Variants in PTPRT observed in about 807,000 individuals in gnomAD.
PTPRT encodes the protein protein tyrosine phosphatase receptor type T, also known as receptor-type tyrosine-protein phosphatase T.
A neutral mutation model predicts 176.8 loss-of-function variants in PTPRT; 56 were observed. The ratio of observed to expected loss-of-function variants is 0.32; its 90% CI spans 0.26 to 0.40. The LOEUF is 0.40. Among genes scored for constraint, PTPRT ranks in the 10% least tolerant of loss-of-function variants. The probability of loss-of-function intolerance (pLI) is 1.00; values close to 1 mark genes in which losing one functional copy is unlikely to be tolerated. For synonymous variants in PTPRT, 783 were observed against 739.0 expected (o/e 1.06, Z -0.96); for missense variants, 1,540 against 1,908.2 (o/e 0.81, Z 3.60).
chr20:42,657,719 A>G (rs541261374), intron 7 of PTPRT, among the ~76,000 whole-genome samples: 2 of 152,214 alleles, frequency 1.3e-5, no homozygotes, highest in South Asian at 4.1e-4. Flanking sequence ...GTCCATAGAT[A>G]TGCAAATGGT....
At chr20:42,926,772 T>C (rs914849090) in intron 1 of PTPRT, among the ~76,000 whole-genome samples, 3 of 152,174 alleles carry the variant, frequency 2.0e-5, no homozygotes, top group African/African-American at 2.4e-5. Flanking sequence ...TGCATGATTG[T>C]TGTGGGGATG....
chr20:42,792,071 C>T (rs1185043189), intron 2 of PTPRT, among the ~76,000 whole-genome samples: 1 of 152,200 alleles, frequency 6.6e-6, no homozygotes, highest in African/African-American at 2.4e-5. Context: ...TGCTACCTTT[C>T]ATGAAAAGGA....
chr20:42,633,190 G>C (rs1275189289), intron 7 of PTPRT, among the ~76,000 whole-genome samples: 2 of 152,076 alleles, frequency 1.3e-5, no homozygotes, highest in African/African-American at 4.8e-5. Flanking sequence ...CATTTCAAAG[G>C]CAATAGAAAC....
At chr20:42,678,378 G>A (rs1010751577) in intron 6 of PTPRT, among the ~76,000 whole-genome samples, 2 of 152,244 alleles carry the variant, frequency 1.3e-5, no homozygotes, top group Middle Eastern at 3.4e-3. Context: ...TCGGCTCACT[G>A]CAACCTCTGC....
At chr20:42,411,769 T>A (rs2059021003) in intron 9 of PTPRT, among the ~76,000 whole-genome samples, 1 of 151,704 alleles carries the variant, frequency 6.6e-6, no homozygotes, top group Non-Finnish European at 1.5e-5. Flanking sequence ...CAAATCTCAC[T>A]CAAGAATTAG....
At chr20:42,522,825 T>A in intron 7 of PTPRT, among the ~76,000 whole-genome samples, 1 of 152,168 alleles carries the variant, frequency 6.6e-6, no homozygotes, top group East Asian at 1.9e-4. Flanking sequence ...TTCCCATTTA[T>A]ATGAAATTGG....
intron 1 of PTPRT, among the ~76,000 whole-genome samples, chr20:42,988,207 C>G (rs967065809): frequency 6.6e-6 from 1 of 152,176 alleles, no homozygotes; most frequent in African/African-American, 2.4e-5. Flanking sequence ...AGAATAAGTG[C>G]TCTGTCAATG....
chr20:42,782,862 T>A (rs1026393474), intron 3 of PTPRT, among the ~76,000 whole-genome samples: 7 of 152,148 alleles, frequency 4.6e-5, no homozygotes, highest in African/African-American at 1.7e-4. Flanking sequence ...AAAAAACACA[T>A]GAGTCAAGGG....
rs74918120 is a variant in PTPRT, at chr20:43,109,991, T to C, written c.88+79655A>G. On this transcript the variant is annotated intron_variant, in intron 1 of 30. Transcript: ENST00000373187. ...GTTTTATCTCAGGAGCAATGGGAAG[T>C]TATTGGAGGGTATCTTAATCCTTTT... Among the ~76,000 whole-genome samples, 460 of 152,176 alleles carry C rather than the reference T, an allele frequency of 3.0e-3. 7 individuals are homozygous for C. The East Asian group carries it at 0.055, about 18-fold the overall frequency.
At chr20:43,145,717 A>T (rs2014149064) in intron 1 of PTPRT, among the ~76,000 whole-genome samples, 2 of 152,238 alleles carry the variant, frequency 1.3e-5, no homozygotes, top group Non-Finnish European at 2.9e-5. Flanking sequence ...AGAATCACAC[A>T]GAAGAGCCTT....
rs944882254 is a variant in PTPRT at position 42,078,709 on chromosome 20, C to T, written c.*2170G>A. ...GCTGCTCCCCGTGTTGTGCTGTGCCCGCACTGGGCTGGCCTCCCCCAGACT... is the reference window on the plus strand; with the variant it reads ...GCTGCTCCCCGTGTTGTGCTGTGCCTGCACTGGGCTGGCCTCCCCCAGACT... On this transcript the variant is annotated 3_prime_UTR_variant, in exon 31 of 31. Coordinates refer to ENST00000373187, the MANE Select transcript of PTPRT (RefSeq NM_007050.6). 54 of 178,778 alleles carry T rather than the reference C, an allele frequency of 3.0e-4. No homozygotes were observed. Among genetic ancestry groups the T allele is most frequent in the South Asian group, 2.0e-4 (1 of 5,048 alleles). The allele number at this position is 178,778 out of a possible 1,614,324, so 11.1% of individuals were successfully genotyped here. A position where few individuals can be genotyped will look rare whatever the true frequency, so the allele number is the denominator to read the frequency against.
At chr20:42,431,633 T>A (rs371569959) in intron 9 of PTPRT, among the ~76,000 whole-genome samples, 7 of 152,222 alleles carry the variant, frequency 4.6e-5, no homozygotes, top group Non-Finnish European at 8.8e-5. Flanking sequence ...ATCCAAACAT[T>A]CTATAATATT....
At chr20:42,523,085 A>G (rs2072205711) in intron 7 of PTPRT, among the ~76,000 whole-genome samples, 1 of 152,200 alleles carries the variant, frequency 6.6e-6, no homozygotes, top group Non-Finnish European at 1.5e-5. Context: ...CTCCAGACAC[A>G]TAAGGTCTTA....
intron 9 of PTPRT, among the ~76,000 whole-genome samples, chr20:42,408,705 A>G (rs1003499349): frequency 1.3e-5 from 2 of 152,226 alleles, no homozygotes; most frequent in African/African-American, 4.8e-5. Context: ...CAATACAAAA[A>G]TGAAATTATA....
At chr20:42,325,772 T>C (rs1381904942) in intron 11 of PTPRT, among the ~76,000 whole-genome samples, 1 of 152,194 alleles carries the variant, frequency 6.6e-6, no homozygotes, top group African/African-American at 2.4e-5. Flanking sequence ...GGCTCTGACC[T>C]TACTTAGAGT....
chr20:42,064,224 TG>T, the PTPRT span, among the ~76,000 whole-genome samples: 2 of 152,174 alleles, frequency 1.3e-5, no homozygotes, highest in Admixed American at 1.3e-4. Flanking sequence ...TGGTTATTCT[TG>T]TATGTTTATG....
intron 7 of PTPRT, among the ~76,000 whole-genome samples, chr20:42,527,801 G>A (rs2072305541): frequency 6.6e-6 from 1 of 152,192 alleles, no homozygotes; most frequent in African/African-American, 2.4e-5. Flanking sequence ...GTTGTAAGTG[G>A]TATTTGGCAA....
rs1282627980 is a variant in PTPRT, at chr20:43,000,072, AGGGAGGG to A, written c.89-114147_89-114141del. On this transcript the variant is annotated intron_variant, in intron 1 of 30. Coordinates refer to ENST00000373187, the MANE Select transcript of PTPRT (RefSeq NM_007050.6). Reference sequence around the variant, plus strand: ...AAGGGAAGAAGGGAAGGAGGGAGGGAGGGAGGGAGGGAGGGAGGGAGGGAGGGAATAA... The same window carrying A: ...AAGGGAAGAAGGGAAGGAGGGAGGGAAGGGAGGGAGGGAGGGAGGGAATAA... Among the ~76,000 whole-genome samples the A allele has an allele frequency of 7.7e-4, 32 of 41,678 alleles. No individual in the cohort carries two copies. In the Admixed American group the frequency reaches 0.01, roughly 14 times the overall value. 27.3% of individuals were successfully genotyped at this position (41,678 alleles called of 152,430 possible).
intron 9 of PTPRT, among the ~76,000 whole-genome samples, chr20:42,438,631 A>G (rs1240219844): frequency 1.3e-5 from 2 of 152,134 alleles, no homozygotes; most frequent in Admixed American, 6.5e-5. Context: ...TCACAAAAAC[A>G]TATGCTCATA....
Sources: allele counts gnomAD v4.1 joint callset (sites outside exome capture counted in the v4.1 genomes callset), GRCh38; gene constraint gnomAD v4.1.1; transcripts MANE v1.5; gene names NCBI Gene and HGNC (gene_info 2026-07-23, HGNC 2026-07-21).